TBC1D4: variants seen among roughly 807,000 people sequenced by gnomAD.
TBC1D4 encodes the protein TBC1 domain family member 4.
A neutral mutation model predicts 142.5 loss-of-function variants in TBC1D4; 121 were observed. That is an observed-to-expected ratio of 0.85 (90% CI 0.73 to 0.99). The LOEUF (loss-of-function observed/expected upper bound fraction) is 0.99. Among genes scored for constraint, TBC1D4 ranks in the 50% least tolerant of loss-of-function variants. TBC1D4 has a pLI of 0.00. For missense variants in TBC1D4, 1,475 were observed against 1,606.6 expected (o/e 0.92, Z 1.40); for synonymous variants, 630 against 628.2 (o/e 1.00, Z -0.04).
chr13:75,364,295 C>A (rs926515923), intron 1 of TBC1D4, among the ~76,000 whole-genome samples: 3 of 152,136 alleles, frequency 2.0e-5, no homozygotes, highest in Non-Finnish European at 4.4e-5. Context: ...AGTTTATTGC[C>A]ACATCCATTT....
At chr13:75,303,769 C>A (rs1288364003) in intron 15 of TBC1D4, among the ~76,000 whole-genome samples, 1 of 152,186 alleles carries the variant, frequency 6.6e-6, no homozygotes, top group African/African-American at 2.4e-5. Flanking sequence ...CTCCAAACTA[C>A]CTTTTTAAGC....
At chr13:75,431,091 C>T (rs1341616239) in intron 1 of TBC1D4, among the ~76,000 whole-genome samples, 5 of 152,146 alleles carry the variant, frequency 3.3e-5, no homozygotes, top group Non-Finnish European at 5.9e-5. Flanking sequence ...GGAAATGAGG[C>T]ATCAATGGGC....
intron 1 of TBC1D4, among the ~76,000 whole-genome samples, chr13:75,459,917 C>T (rs1265766803): frequency 2.0e-5 from 3 of 151,952 alleles, no homozygotes; most frequent in Non-Finnish European, 2.9e-5. Flanking sequence ...CTGAGGTGGG[C>T]GGATCACGAG....
chr13:75,355,844 A>G (rs1355499682), intron 4 of TBC1D4, among the ~76,000 whole-genome samples: 1 of 152,230 alleles, frequency 6.6e-6, no homozygotes, highest in Non-Finnish European at 1.5e-5. Context: ...ATCTTCTCAT[A>G]TGAGCAATGA....
chr13:75,297,742 GC>G (rs1411225709), intron 17 of TBC1D4, among the ~76,000 whole-genome samples: 1 of 148,048 alleles, frequency 6.8e-6, no homozygotes, highest in African/African-American at 2.5e-5. Flanking sequence ...GGGTGACAGA[GC>G]AAGACTCCGT....
At chr13:75,307,629 A>T (rs951340676) in intron 14 of TBC1D4, among the ~76,000 whole-genome samples, 5 of 152,236 alleles carry the variant, frequency 3.3e-5, no homozygotes, top group African/African-American at 1.2e-4. Flanking sequence ...GCACAAAAAC[A>T]ACAGCAGAAT....
chr13:75,429,846 G>A (rs1372973953), intron 1 of TBC1D4, among the ~76,000 whole-genome samples: 9 of 152,132 alleles, frequency 5.9e-5, no homozygotes, highest in Admixed American at 5.9e-4. Flanking sequence ...ACCTTAGTCT[G>A]AGAACCCATA....
intron 1 of TBC1D4, among the ~76,000 whole-genome samples, chr13:75,386,859 A>G (rs1009160807): frequency 2.6e-5 from 4 of 152,156 alleles, no homozygotes; most frequent in Non-Finnish European, 4.4e-5. Flanking sequence ...CTAAACAAAA[A>G]GTTTTGTGAT....
intron 1 of TBC1D4, among the ~76,000 whole-genome samples, chr13:75,445,340 C>T (rs150298593): frequency 0.013 from 2,040 of 152,264 alleles, 52 homozygotes; most frequent in African/African-American, 0.043. Context: ...CTCAAAATAT[C>T]TAGAACAGCA....
Position 75,341,128 on chromosome 13 carries a change from A to T in TBC1D4, c.1608T>A (p.Pro536=), listed in dbSNP as rs770524180. ...GAAGTAGGAAATATCTTCTCACAGA[A>T]GGGCCTTCCCCGATGTGCACGTGTG... The part of the protein sequence containing the change: ...QKTHVHIGEG[P]STISNSTIPE... The change falls in exon 7 of 21, where the codon CCT becomes CCA. Residue 536 remains proline (P), a synonymous_variant. Coordinates refer to ENST00000377636, the MANE Select transcript of TBC1D4 (RefSeq NM_014832.5). The T allele has an allele frequency of 5.0e-6, 8 of 1,613,130 alleles. No homozygotes were observed. The Middle Eastern group carries it at 1.2e-3, about 233-fold the overall frequency.
intron 1 of TBC1D4, among the ~76,000 whole-genome samples, chr13:75,410,010 T>C (rs1885549916): frequency 6.6e-6 from 1 of 152,350 alleles, no homozygotes; most frequent in Admixed American, 6.5e-5. Context: ...CAAATTTGTT[T>C]ATCTTAACCA....
intron 4 of TBC1D4, among the ~76,000 whole-genome samples, chr13:75,349,527 T>C (rs1458061261): frequency 6.6e-6 from 1 of 152,242 alleles, no homozygotes; most frequent in Non-Finnish European, 1.5e-5. Flanking sequence ...TGTAATATAA[T>C]ACCGCTCTGT....
intron 1 of TBC1D4, among the ~76,000 whole-genome samples, chr13:75,395,036 T>C (rs1238630637): frequency 2.0e-5 from 3 of 152,202 alleles, no homozygotes; most frequent in Non-Finnish European, 4.4e-5. Context: ...AGGCACTAAG[T>C]ACAGAAGTAT....
At chr13:75,451,586 G>A (rs982908150) in intron 1 of TBC1D4, among the ~76,000 whole-genome samples, 4 of 150,276 alleles carry the variant, frequency 2.7e-5, no homozygotes, top group African/African-American at 9.7e-5. Context: ...AGGCTGAGGT[G>A]GGAGGATCCC....
chr13:75,328,389 T>C (rs1879455188), intron 8 of TBC1D4, among the ~76,000 whole-genome samples: 1 of 152,312 alleles, frequency 6.6e-6, no homozygotes, highest in Admixed American at 6.5e-5. Context: ...GCTTCAATAC[T>C]GGTGAATTGG....
chr13:75,455,348 G>T (rs373066317), intron 1 of TBC1D4, among the ~76,000 whole-genome samples: 3 of 152,002 alleles, frequency 2.0e-5, no homozygotes, highest in African/African-American at 7.2e-5. Flanking sequence ...AGTCCTATTT[G>T]TGCTTACTAT....
At chr13:75,414,705 A>G (rs1197734649) in intron 1 of TBC1D4, among the ~76,000 whole-genome samples, 1 of 152,122 alleles carries the variant, frequency 6.6e-6, no homozygotes, top group Non-Finnish European at 1.5e-5. Context: ...TCAGAATGCT[A>G]TGTCAATAAT....
At position 75,362,122 on chromosome 13, in the gene TBC1D4, C is replaced by T; in HGVS notation, c.984G>A (p.Glu328=). 6.2e-7 allele frequency: 1 copy of T among 1,613,908 alleles called. No individual in the cohort carries two copies. Among genetic ancestry groups the T allele is most frequent in the Non-Finnish European group, 8.5e-7 (1 of 1,180,020 alleles). Residue 328 remains glutamate (E), a synonymous_variant, in exon 2 of 21, where the codon GAG becomes GAA. Transcript: ENST00000377636. This position sits in a 1 kb window ranked among gnomAD's most constrained non-coding sequence, Gnocchi z 4.2. The part of the protein sequence containing the change: ...SVTGVQRRVH[E]GSQKSQPRRR... ...GTCGCGGCTGGGATTTCTGGCTGCC[C>T]TCGTGAACTCTCCGTTGCACGCCGG... is the stretch of plus-strand genomic sequence containing the variant.
chr13:75,420,830 G>A (rs1013363286), intron 1 of TBC1D4, among the ~76,000 whole-genome samples: 2 of 151,698 alleles, frequency 1.3e-5, no homozygotes, highest in Non-Finnish European at 2.9e-5. Context: ...AATCATTCAG[G>A]GGGAAAGGGT....
Sources: allele counts gnomAD v4.1 joint callset (sites outside exome capture counted in the v4.1 genomes callset), GRCh38; gene constraint gnomAD v4.1.1; non-coding constraint Gnocchi (gnomAD v3.1); transcripts MANE v1.5; gene names NCBI Gene and HGNC (gene_info 2026-07-23, HGNC 2026-07-21).